Variants in RP1L1 observed in about 807,000 individuals in gnomAD.
The protein encoded by RP1L1 is RP1 like 1.
Under a neutral mutation model 15.7 loss-of-function variants are expected in RP1L1, and 27 were observed. That is an observed-to-expected ratio of 1.72 (90% CI 1.27 to 2.38). RP1L1 has a LOEUF of 2.38. Among genes scored for constraint, RP1L1 ranks in the 30% most tolerant of loss-of-function variants. The pLI is 0.00. For synonymous variants in RP1L1, 1,813 were observed against 1,276.7 expected (o/e 1.42, Z -8.96); for missense variants, 4,798 against 3,075.9 (o/e 1.56, Z -13.24).
In RP1L1 at chr8:10,609,934, C is replaced by T. The variant is rs1797798636; in HGVS notation, c.4164G>A (p.Glu1388=). Residue 1388 remains glutamate (E), a synonymous_variant, in exon 4 of 4, where the codon GAG becomes GAA. Coordinates refer to ENST00000382483, the MANE Select transcript of RP1L1 (RefSeq NM_178857.6). The part of the protein sequence containing the change: ...KEGPEGGLQG[E]ALEEGLKEEG... ...CCTCTTTGAGACCCTCTTCAAGAGC[C>T]TCTCCTTGCAGTCCTCCTTCTGGCC... 1 of 1,613,838 alleles carries T rather than the reference C, an allele frequency of 6.2e-7. No individual in the cohort carries two copies. Among genetic ancestry groups the T allele is most frequent in the African/African-American group, 1.3e-5 (1 of 74,830 alleles).
intron 1 of RP1L1, among the ~76,000 whole-genome samples, chr8:10,635,941 C>T (rs1356668285): frequency 6.6e-6 from 1 of 152,234 alleles, no homozygotes; most frequent in Non-Finnish European, 1.5e-5. Context: ...CAAAACCATC[C>T]CCATGGAAGA....
In RP1L1 at chr8:10,610,031, AACTGCGCCTCTTCTTCTTGCT is replaced by A; in HGVS notation, c.4046_4066del (p.Gln1349_Gln1355del). On this transcript the variant is annotated inframe_deletion, in exon 4 of 4. Transcript: ENST00000382483. Reference sequence around the variant, plus strand: ...TCCTCCTGTTTCTTCAATTTCCTCTAACTGCGCCTCTTCTTCTTGCTGTCCTTCTCCTTCTGTTTCTTTAGT... The same window carrying A: ...TCCTCCTGTTTCTTCAATTTCCTCTAGTCCTTCTCCTTCTGTTTCTTTAGT... The A allele has an allele frequency of 7.3e-7, 1 of 1,366,422 alleles. No homozygotes were observed. Among genetic ancestry groups the A allele is most frequent in the Non-Finnish European group, 9.5e-7 (1 of 1,047,720 alleles). The allele number at this position is 1,366,422 out of a possible 1,614,324, so 84.6% of individuals were successfully genotyped here.
At chr8:10,653,268 C>T (rs1214794380) in intron 1 of RP1L1, among the ~76,000 whole-genome samples, 1 of 152,168 alleles carries the variant, frequency 6.6e-6, no homozygotes, top group Non-Finnish European at 1.5e-5. Context: ...GCTGAGAAAG[C>T]TGTTGAACAC....
At chr8:10,635,256 C>T (rs1300874860) in intron 1 of RP1L1, among the ~76,000 whole-genome samples, 1 of 152,150 alleles carries the variant, frequency 6.6e-6, no homozygotes, top group African/African-American at 2.4e-5. Context: ...TGCCCTCCAA[C>T]TGACCCGTTA....
intron 1 of RP1L1, among the ~76,000 whole-genome samples, chr8:10,638,387 T>C (rs1386453497): frequency 6.6e-6 from 1 of 151,974 alleles, no homozygotes; most frequent in Non-Finnish European, 1.5e-5. Context: ...TTCGAGACAG[T>C]TTCATGTGGG....
rs190077685 is a variant in RP1L1, at chr8:10,611,860, C to T, written c.2238G>A (p.Ser746=). The T allele has an allele frequency of 5.6e-4, 902 of 1,613,792 alleles. 9 individuals carry two copies. The African/African-American group carries it at 9.5e-3, about 17-fold the overall frequency. Residue 746 remains serine, a synonymous_variant, in exon 4 of 4, where the codon TCG becomes TCA. Coordinates refer to ENST00000382483, the MANE Select transcript of RP1L1 (RefSeq NM_178857.6). ...GCGGGGAGACTCCAGAAACAAAATCCGAGTGGACTGCAGGGGTGACAGTGG... is the reference window on the plus strand; with the variant it reads ...GCGGGGAGACTCCAGAAACAAAATCTGAGTGGACTGCAGGGGTGACAGTGG... The part of the protein sequence containing the change: ...SSATVTPAVH[S]DFVSGVSPHN...
At chr8:10,648,223 G>T (rs767249881) in intron 1 of RP1L1, among the ~76,000 whole-genome samples, 1 of 152,028 alleles carries the variant, frequency 6.6e-6, no homozygotes, top group Admixed American at 6.6e-5. Context: ...GTAAAGATGG[G>T]ATTTCACTAC....
chr8:10,648,795 A>T (rs1475215134), intron 1 of RP1L1, among the ~76,000 whole-genome samples: 3 of 152,242 alleles, frequency 2.0e-5, no homozygotes, highest in Non-Finnish European at 4.4e-5. Flanking sequence ...ATTGACAGAC[A>T]CCACACACCC....
At chr8:10,633,400 C>A (rs930243668) in intron 1 of RP1L1, among the ~76,000 whole-genome samples, 1 of 152,218 alleles carries the variant, frequency 6.6e-6, no homozygotes, top group African/African-American at 2.4e-5. Flanking sequence ...AAGGGTAGAT[C>A]TGGGGACCGG....
At chr8:10,654,659 A>C (rs1430886120) in intron 1 of RP1L1, among the ~76,000 whole-genome samples, 1 of 152,180 alleles carries the variant, frequency 6.6e-6, no homozygotes, top group Non-Finnish European at 1.5e-5. Context: ...CTGTAAATCA[A>C]CGAGCAGAAA....
At chr8:10,635,542 G>T (rs1207701670) in intron 1 of RP1L1, among the ~76,000 whole-genome samples, 1 of 152,196 alleles carries the variant, frequency 6.6e-6, no homozygotes, top group African/African-American at 2.4e-5. Flanking sequence ...GCATGGTCAC[G>T]AAAGAAGACC....
At chr8:10,613,556 G>C (rs1269656217) in intron 3 of RP1L1, among the ~76,000 whole-genome samples, 1 of 145,430 alleles carries the variant, frequency 6.9e-6, no homozygotes, top group Admixed American at 7.1e-5. Flanking sequence ...TTGAGCTCAG[G>C]GTTTCAAGAC....
rs534713775 is a variant in RP1L1 at position 10,630,395 on chromosome 8, C to T, written c.-19-7175G>A. 6.6e-5 allele frequency among the ~76,000 whole-genome samples: 10 copies of T among 152,352 alleles called. No homozygotes were observed. In the East Asian group the frequency reaches 1.2e-3, roughly 18 times the overall value. Reference sequence around the variant, plus strand: ...TGAGTTCCAGGACTGTTCCTACACACGCAGAGAGCTGGGAGGAAGGGATGG... The same window carrying T: ...TGAGTTCCAGGACTGTTCCTACACATGCAGAGAGCTGGGAGGAAGGGATGG... On this transcript the variant is annotated intron_variant, in intron 1 of 3. Coordinates refer to ENST00000382483, the MANE Select transcript of RP1L1 (RefSeq NM_178857.6).
intron 1 of RP1L1, among the ~76,000 whole-genome samples, chr8:10,646,941 G>C (rs757652131): frequency 2.6e-5 from 4 of 152,190 alleles, no homozygotes; most frequent in Non-Finnish European, 2.9e-5. Flanking sequence ...CCCCTCAGTT[G>C]TCAGCTTCCT....
intron 1 of RP1L1, among the ~76,000 whole-genome samples, chr8:10,626,520 A>T (rs1284677819): frequency 1.3e-5 from 2 of 152,212 alleles, no homozygotes. Context: ...ACACAGGTCC[A>T]CACGGGCTGC....
At position 10,608,820 on chromosome 8, in the gene RP1L1, G is replaced by C. The variant is rs762713239; in HGVS notation, c.5278C>G (p.Leu1760Val). ...QRLNRDKDPK[L>V]GEAEGDAMAQ... ...ATTGCATCTCCCTCTGCCTCCCCGA[G>C]TTTGGGATCTTTGTCTCTGTTGAGT... Residue 1760 changes from leucine (L) to valine (V), a missense_variant, in exon 4 of 4, where the codon CTC becomes GTC. Transcript: ENST00000382483. 2 of 1,613,920 alleles carry C rather than the reference G, an allele frequency of 1.2e-6. No homozygotes were observed. The highest frequency in any genetic ancestry group is 1.7e-6 in the Non-Finnish European group (2 of 1,180,042).
intron 1 of RP1L1, among the ~76,000 whole-genome samples, chr8:10,641,111 A>G (rs1203021821): frequency 6.6e-6 from 1 of 152,234 alleles, no homozygotes; most frequent in African/African-American, 2.4e-5. Flanking sequence ...TTTTTCATAC[A>G]TTACATGGCA....
Position 10,622,664 on chromosome 8 carries a change from C to G in RP1L1, c.538G>C (p.Ala180Pro). 6.2e-7 allele frequency: 1 copy of G among 1,614,216 alleles called. No individual in the cohort carries two copies. Among genetic ancestry groups the G allele is most frequent in the South Asian group, 1.1e-5 (1 of 91,076 alleles). Residue 180 changes from alanine (A) to proline (P), a missense_variant, in exon 2 of 4, where the codon GCC becomes CCC. Ala to Pro is a conservative substitution (Grantham distance 27). Coordinates refer to ENST00000382483, the MANE Select transcript of RP1L1 (RefSeq NM_178857.6). Reference protein sequence around the residue: ...LSHRNTRNLAAFLGKASDLLR... With the variant: ...LSHRNTRNLAPFLGKASDLLR... The stretch of plus-strand genomic sequence containing the variant: ...AGATCTGAGGCTTTGCCGAGAAAGG[C>G]GGCCAGGTTCCTAGTATTCCTGTGA...
At chr8:10,634,912 C>T (rs1298754189) in intron 1 of RP1L1, among the ~76,000 whole-genome samples, 2 of 152,210 alleles carry the variant, frequency 1.3e-5, no homozygotes, top group Non-Finnish European at 2.9e-5. Flanking sequence ...CTCCCCAAGA[C>T]TCTCTTCACC....
Sources: gnomAD v4.1 joint callset for allele counts (sites outside exome capture counted in the v4.1 genomes callset) on GRCh38, gnomAD v4.1.1 for gene constraint, MANE v1.5 for transcripts, NCBI Gene and HGNC (gene_info 2026-07-23, HGNC 2026-07-21) for gene names.